The following TRAK2 variants were observed in gnomAD, a reference collection of about 807,000 sequenced individuals.
TRAK2 encodes the protein trafficking kinesin-binding protein 2.
A neutral mutation model predicts 104.6 loss-of-function variants in TRAK2; 81 were observed. The ratio of observed to expected loss-of-function variants is 0.77; its 90% CI spans 0.65 to 0.93. The LOEUF is 0.93. Among genes scored for constraint, TRAK2 ranks in the 40% least tolerant of loss-of-function variants. The probability of loss-of-function intolerance (pLI) is 0.00; values close to 1 mark genes in which losing one functional copy is unlikely to be tolerated. For synonymous variants in TRAK2, 406 were observed against 394.4 expected, an observed-to-expected ratio of 1.03 and a Z score of -0.35; for missense variants, 1,002 against 1,089.0, an observed-to-expected ratio of 0.92 and a Z score of 1.12.
chr2:201,411,395 G>A (rs1174731860), intron 2 of TRAK2: 1 of 747,334 alleles, frequency 1.3e-6, no homozygotes, highest in Non-Finnish European at 2.5e-6. Context: ...TAAAAACCTT[G>A]TCAATTTGCT....
chr2:201,426,503 CCCT>C (rs1442904122), intron 1 of TRAK2, among the ~76,000 whole-genome samples: 3 of 152,196 alleles, frequency 2.0e-5, no homozygotes, highest in African/African-American at 7.2e-5. Flanking sequence ...CCCCAAACCA[CCCT>C]CCTCATCTCC....
intron 2 of TRAK2, chr2:201,411,995 T>C (rs1234367527): frequency 1.2e-5 from 12 of 973,770 alleles, no homozygotes; most frequent in Admixed American, 1.7e-5. Flanking sequence ...CTTTATCTCA[T>C]TGGGAGGGGT....
At chr2:201,395,468 T>A (rs769310825) in intron 7 of TRAK2, 24 bp from the exon 8 acceptor site, 48 of 1,497,164 alleles carry the variant, frequency 3.2e-5, no homozygotes, top group Middle Eastern at 1.8e-4. Flanking sequence ...AAAATTTTTT[T>A]AAATTAATAC....
At chr2:201,440,989 C>T (rs540902101) in intron 1 of TRAK2, among the ~76,000 whole-genome samples, 1 of 152,286 alleles carries the variant, frequency 6.6e-6, no homozygotes, top group Admixed American at 6.5e-5. Flanking sequence ...AACTGACACA[C>T]AGTAGTCTTG....
At position 201,384,211 on chromosome 2, in the gene TRAK2, T is replaced by G. The variant is rs1267313455; in HGVS notation, c.1969A>C (p.Thr657Pro). 8.7e-6 allele frequency: 14 copies of G among 1,611,874 alleles called. No homozygotes were observed. Among genetic ancestry groups the G allele is most frequent in the Non-Finnish European group, 1.2e-5 (14 of 1,179,186 alleles). Residue 657 changes from threonine to proline, a missense_variant, in exon 15 of 16, where the codon ACC becomes CCC. By Grantham distance (38) the Thr-to-Pro change is conservative. Coordinates refer to ENST00000332624, the MANE Select transcript of TRAK2 (RefSeq NM_015049.3). ...TSAGGPVTVATANPGKCLSCT... is the reference protein window; with the variant it reads ...TSAGGPVTVAPANPGKCLSCT... ...GACAGGCACTTTCCTGGGTTGGCGG[T>G]TGCAACTGAAATAGATTTTTAGGGA...
chr2:201,397,614 T>C (rs1358484265), intron 6 of TRAK2, 34 bp from the exon 7 acceptor site: 1 of 1,395,904 alleles, frequency 7.2e-7, no homozygotes, highest in Non-Finnish European at 1.0e-6. Flanking sequence ...GACAATACCT[T>C]CTAGTGATTT....
In TRAK2 at chr2:201,398,149, G is replaced by C; in HGVS notation, c.686C>G (p.Ser229Cys). ...ELEEENMALR[S>C]KACHIKTETV... The stretch of plus-strand genomic sequence containing the variant: ...TGGCAATTAGGTTGAACGTACCTTG[G>C]ATCGAAGAGCCATATTCTCTTCTTC... Residue 229 changes from serine (S) to cysteine (C), a missense_variant, in exon 6 of 16, where the codon TCC (serine) becomes TGC (cysteine). Coordinates refer to ENST00000332624, the MANE Select transcript of TRAK2 (RefSeq NM_015049.3). The C allele has an allele frequency of 6.2e-7, 1 of 1,613,356 alleles. No homozygotes were observed. The highest frequency in any genetic ancestry group is 8.5e-7 in the Non-Finnish European group (1 of 1,179,452).
At position 201,381,061 on chromosome 2, in the gene TRAK2, T is replaced by C. The variant is rs1171443795; in HGVS notation, c.2227A>G (p.Lys743Glu). 1.2e-6 allele frequency: 2 copies of C among 1,614,106 alleles called. No individual in the cohort carries two copies. Among genetic ancestry groups the C allele is most frequent in the East Asian group, 2.2e-5 (1 of 44,880 alleles). The change falls in exon 16 of 16, where the codon AAA (lysine) becomes GAA (glutamate). Residue 743 changes from lysine to glutamate, a missense_variant. Physicochemically the swap from Lys to Glu is moderately conservative, Grantham distance 56 (BLOSUM62 1). Transcript: ENST00000332624. ...TTFSSTMSLA[K>E]LLQERGISAK... ...GAGATGCCTCGCTCTTGTAGAAGTT[T>C]GGCCAAGCTCATGGTGCTACTGAAG... is the stretch of plus-strand genomic sequence containing the variant.
chr2:201,389,489 C>G lies in TRAK2; in HGVS notation c.1208G>C (p.Arg403Pro). The G allele has an allele frequency of 6.2e-7, 1 of 1,613,950 alleles. No homozygotes were observed. Among genetic ancestry groups the G allele is most frequent in the South Asian group, 1.1e-5 (1 of 91,072 alleles). Reference sequence around the variant, plus strand: ...GGCAATCCTGACGGTATCAAATACCCGCTTCTGTTGGGCTCTGTCAAAAAA... The same window carrying G: ...GGCAATCCTGACGGTATCAAATACCGGCTTCTGTTGGGCTCTGTCAAAAAA... ...SLFKQKAQQK[R>P]VFDTVRIAND... Residue 403 changes from arginine (R) to proline (P), a missense_variant, in exon 12 of 16, where the codon CGG becomes CCG. Physicochemically the swap from Arg to Pro is moderately radical, Grantham distance 103. Transcript: ENST00000332624.
chr2:201,409,653 T>C (rs1378018227), intron 2 of TRAK2, among the ~76,000 whole-genome samples: 1 of 152,254 alleles, frequency 6.6e-6, no homozygotes. Context: ...TTGTAGTATT[T>C]GCTCAGTCTC....
rs1951756165 is a variant in TRAK2, at chr2:201,423,037, C to CCACACACCCA, written c.-199-2332_-199-2331insTGGGTGTGTG. 2.2e-5 allele frequency among the ~76,000 whole-genome samples: 3 copies of CCACACACCCA among 134,150 alleles called. No individual in the cohort carries two copies. The South Asian group carries it at 7.9e-4, about 35-fold the overall frequency. 88.0% of individuals were successfully genotyped at this position (134,150 alleles called of 152,430 possible). A position where few individuals can be genotyped will look rare whatever the true frequency, so the allele number is the denominator to read the frequency against. ...TGGAATAACAACAGCAACACCACCA[C>CCACACACCCA]CACACACACACACACACACACACAC... On this transcript the variant is annotated intron_variant, in intron 1 of 15. Transcript: ENST00000332624.
At chr2:201,419,626 G>C (rs1354918415) in intron 2 of TRAK2, among the ~76,000 whole-genome samples, 1 of 152,180 alleles carries the variant, frequency 6.6e-6, no homozygotes, top group Non-Finnish European at 1.5e-5. Context: ...TAACTTGTTT[G>C]TACTGGTGGT....
Position 201,392,830 on chromosome 2 carries a change from C to G in TRAK2, c.1113+79G>C. On this transcript the variant is annotated intron_variant, in intron 10 of 15. Coordinates refer to ENST00000332624, the MANE Select transcript of TRAK2 (RefSeq NM_015049.3). ...CTCTTCTCCAGATGTTTTATACCAT[C>G]ATAAACCATCAAACTTTTAGGACAA... 3 of 1,403,976 alleles carry G rather than the reference C, an allele frequency of 2.1e-6. 1 individual carries two copies. The Admixed American group carries it at 6.8e-5, about 32-fold the overall frequency. The allele number at this position is 1,403,976 out of a possible 1,614,324, so 87.0% of individuals were successfully genotyped here. A position where few individuals can be genotyped will look rare whatever the true frequency, so the allele number is the denominator to read the frequency against.
chr2:201,429,246 A>G (rs1213971363), intron 1 of TRAK2, among the ~76,000 whole-genome samples: 5 of 152,182 alleles, frequency 3.3e-5, no homozygotes, highest in African/African-American at 1.2e-4. Flanking sequence ...GTCTTGTGCC[A>G]GTTTCCCTTT....
At chr2:201,425,800 C>G (rs1355702468) in intron 1 of TRAK2, among the ~76,000 whole-genome samples, 1 of 151,706 alleles carries the variant, frequency 6.6e-6, no homozygotes, top group African/African-American at 2.4e-5. Context: ...TGAAAAGGAA[C>G]AGGATAAAAG....
chr2:201,410,399 A>T lies in TRAK2; in HGVS notation c.92-2802T>A, dbSNP rs184991346. The T allele has an allele frequency of 1.1e-5, 6 of 536,030 alleles. No individual in the cohort carries two copies. The East Asian group carries it at 1.8e-4, about 16-fold the overall frequency. The allele number at this position is 536,030 out of a possible 1,614,324, so 33.2% of individuals were successfully genotyped here. On this transcript the variant is annotated intron_variant, in intron 2 of 15. Coordinates refer to ENST00000332624, the MANE Select transcript of TRAK2 (RefSeq NM_015049.3). ...ACTCAACTGGTTAGAAGTCCATACA[A>T]CTACTATGCTGGCATGGACACAGAT...
chr2:201,425,986 T>A (rs1397538840), intron 1 of TRAK2, among the ~76,000 whole-genome samples: 1 of 152,212 alleles, frequency 6.6e-6, no homozygotes, highest in Admixed American at 6.5e-5. Context: ...TTAGTTCCTA[T>A]TTTTGTTTTT....
At chr2:201,383,546 A>G (rs1395955915) in intron 15 of TRAK2, among the ~76,000 whole-genome samples, 3 of 152,244 alleles carry the variant, frequency 2.0e-5, no homozygotes, top group African/African-American at 7.2e-5. Context: ...GTACTGCCAC[A>G]TATCAATACC....
Position 201,420,546 on chromosome 2 carries a change from T to C in TRAK2, c.-39A>G. ...TTGCTTTGGTTGAGAAGGACAGCTTTGGTATGAATCAGAGTAAAGGAAATC... is the reference window on the plus strand; with the variant it reads ...TTGCTTTGGTTGAGAAGGACAGCTTCGGTATGAATCAGAGTAAAGGAAATC... On this transcript the variant is annotated 5_prime_UTR_variant, in exon 2 of 16. Transcript: ENST00000332624. The C allele has an allele frequency of 7.2e-6, 11 of 1,523,372 alleles. No homozygotes were observed. The highest frequency in any genetic ancestry group is 1.0e-5 in the Non-Finnish European group (11 of 1,098,028). 94.4% of individuals were successfully genotyped at this position (1,523,372 alleles called of 1,614,324 possible). A position where few individuals can be genotyped will look rare whatever the true frequency, so the allele number is the denominator to read the frequency against.
Sources: allele counts gnomAD v4.1 joint callset (sites outside exome capture counted in the v4.1 genomes callset), GRCh38; gene constraint gnomAD v4.1.1; transcripts MANE v1.5; gene names NCBI Gene and HGNC (gene_info 2026-07-23, HGNC 2026-07-21).